GCKR: variants seen among roughly 807,000 people sequenced by gnomAD.
GCKR encodes the protein glucokinase regulatory protein.
In GCKR, 73 loss-of-function variants were observed where a neutral mutation model predicts 82.9. The observed-to-expected ratio is 0.88, with a 90% CI of 0.73 to 1.07. The LOEUF is 1.07. Ranked by LOEUF, GCKR falls within the 50% of genes least tolerant of loss-of-function variation. GCKR has a pLI of 0.00. For synonymous variants in GCKR, 294 were observed against 291.8 expected (o/e 1.01, Z -0.08); for missense variants, 784 against 782.1 (o/e 1.00, Z -0.03).
intron 9 of GCKR, among the ~76,000 whole-genome samples, chr2:27,505,125 C>CAAAAAAAAAAAAAAAAAA (rs146563052): frequency 3.9e-5 from 1 of 25,440 alleles, no homozygotes; most frequent in Non-Finnish European, 6.7e-5. Flanking sequence ...GACTCCATCT[C>CAAAAAAAAAAAAAAAAAA]AAAAAAAAAA....
chr2:27,522,579 AC>A lies in GCKR; in HGVS notation c.1693del (p.His565MetfsTer6). ...CCATCTCCTGCCATGTCCAGGTTGC[AC>A]ATGAGAAGGAACAGGTATCCTGCCC... is the stretch of plus-strand genomic sequence containing the variant. ...APISCHVQVA[H>X]EKEQVIPIAL... On this transcript the variant is annotated frameshift_variant, in exon 18 of 19. Transcript: ENST00000264717. LOFTEE classifies it high-confidence loss of function. The A allele has an allele frequency of 6.2e-7, 1 of 1,613,954 alleles. No homozygotes were observed. Among genetic ancestry groups the A allele is most frequent in the Non-Finnish European group, 8.5e-7 (1 of 1,179,808 alleles).
rs753063632 is a variant in GCKR at position 27,507,814 on chromosome 2, G to C, written c.1240+37G>C. The C allele has an allele frequency of 1.5e-5, 20 of 1,304,394 alleles. No homozygotes were observed. The East Asian group carries it at 3.9e-4, about 25-fold the overall frequency. 80.8% of individuals were successfully genotyped at this position (1,304,394 alleles called of 1,614,324 possible). A position where few individuals can be genotyped will look rare whatever the true frequency, so the allele number is the denominator to read the frequency against. On this transcript the variant is annotated intron_variant, in intron 14 of 18. Coordinates refer to ENST00000264717, the MANE Select transcript of GCKR (RefSeq NM_001486.4). ...GATGGGAGTGGTGAGGGGTGGGGAG[G>C]GGGAAATAGAATGGTTCAGAGGAGC...
At chr2:27,521,061 T>A (rs1670139782) in intron 17 of GCKR, among the ~76,000 whole-genome samples, 1 of 151,484 alleles carries the variant, frequency 6.6e-6, no homozygotes, top group South Asian at 2.1e-4. Context: ...AAAATTAAAA[T>A]TAAAAAAAGC....
intron 10 of GCKR, 149 bp from the exon 11 acceptor site, chr2:27,506,332 G>T: frequency 1.4e-6 from 1 of 712,192 alleles, no homozygotes; most frequent in Non-Finnish European, 2.6e-6. Flanking sequence ...CCTTCGGAAC[G>T]CAGTCTGGGC....
At chr2:27,501,640 C>T (rs1336932119) in intron 8 of GCKR, 3 of 444,264 alleles carry the variant, frequency 6.8e-6, no homozygotes, top group Non-Finnish European at 1.4e-5. Context: ...CCTCCTACTC[C>T]TCTTTGTCCA....
In GCKR at chr2:27,508,185, C is replaced by T; in HGVS notation, c.1356C>T (p.Leu452=). ...GQTLLIPLKK[L]FPSIISITWP... ...CTCTCCAGATCCCTCTGAAGAAGCT[C>T]TTTCCCTCCATCATCAGCATCACAT... is the stretch of plus-strand genomic sequence containing the variant. The change falls in exon 16 of 19, where the codon CTC becomes CTT. Residue 452 remains leucine, a synonymous_variant. Coordinates refer to ENST00000264717, the MANE Select transcript of GCKR (RefSeq NM_001486.4). 1 of 1,612,188 alleles carries T rather than the reference C, an allele frequency of 6.2e-7. No individual in the cohort carries two copies. Among genetic ancestry groups the T allele is most frequent in the Admixed American group, 1.7e-5 (1 of 60,020 alleles).
At chr2:27,501,793 G>C (rs1199609339) in intron 8 of GCKR, 1 of 471,024 alleles carries the variant, frequency 2.1e-6, no homozygotes, top group Admixed American at 2.3e-5. Flanking sequence ...TATGTCAGTG[G>C]TCACTCTTAT....
At chr2:27,499,091 T>C in intron 5 of GCKR, 51 bp from the exon 6 acceptor site, 1 of 1,084,060 alleles carries the variant, frequency 9.2e-7, no homozygotes, top group Non-Finnish European at 1.4e-6. Context: ...TAATACGCCA[T>C]AGGCTTCTGC....
intron 16 of GCKR, among the ~76,000 whole-genome samples, chr2:27,511,788 C>T (rs1018327955): frequency 5.9e-5 from 9 of 151,642 alleles, no homozygotes; most frequent in Admixed American, 1.3e-4. Flanking sequence ...TTTTGCCTTC[C>T]GAAGTGACAG....
rs1669727590 is a variant in GCKR at position 27,505,920 on chromosome 2, G to C, written c.869+84G>C. The C allele has an allele frequency of 1.2e-5, 10 of 817,458 alleles. No individual in the cohort carries two copies. In the South Asian group the frequency reaches 1.3e-4, roughly 11 times the overall value. 50.6% of individuals were successfully genotyped at this position (817,458 alleles called of 1,614,324 possible). ...TGGAGATTGGCAGGTCTAGATCCAA[G>C]GACTGGGCTGGTGGCAGTAAGACTG... is the stretch of plus-strand genomic sequence containing the variant. On this transcript the variant is annotated intron_variant, in intron 10 of 18. Transcript: ENST00000264717.
intron 9 of GCKR, among the ~76,000 whole-genome samples, chr2:27,505,236 G>A (rs543022217): frequency 0.01 from 1,368 of 132,666 alleles, 11 homozygotes; most frequent in Non-Finnish European, 0.014. Context: ...CTCTACTAAA[G>A]ATACAAAAAA....
intron 16 of GCKR, among the ~76,000 whole-genome samples, chr2:27,510,597 G>A (rs1558439557): frequency 6.6e-6 from 1 of 152,168 alleles, no homozygotes; most frequent in South Asian, 2.1e-4. Context: ...GAAGTTGCTT[G>A]TTCCCTTACA....
At chr2:27,510,702 C>A (rs955798948) in intron 16 of GCKR, among the ~76,000 whole-genome samples, 4 of 151,934 alleles carry the variant, frequency 2.6e-5, no homozygotes, top group African/African-American at 7.2e-5. Flanking sequence ...ATTTATATTT[C>A]TTTAATTATT....
chr2:27,501,681 T>C (rs1193916469), intron 8 of GCKR: 2 of 468,872 alleles, frequency 4.3e-6, no homozygotes, highest in Non-Finnish European at 8.8e-6. Context: ...TTCTCTCTCA[T>C]CATTCCAGGC....
chr2:27,505,737 C>G lies in GCKR; in HGVS notation c.770C>G (p.Ser257Cys). ...CTTCAGCCCGAGGGTCTCAGCGGCT[C>G]CTCCCGGATGAAAGGTGGAAGTGCC... ...PAIGPEGLSG[S>C]SRMKGGSATK... is the part of the protein sequence containing the mutation. The change falls in exon 10 of 19, where the codon TCC (serine) becomes TGC (cysteine). Residue 257 changes from serine to cysteine, a missense_variant. By Grantham distance (112) the Ser-to-Cys change is moderately radical. Coordinates refer to ENST00000264717, the MANE Select transcript of GCKR (RefSeq NM_001486.4). The G allele has an allele frequency of 6.2e-7, 1 of 1,609,422 alleles. No homozygotes were observed. The highest frequency in any genetic ancestry group is 8.5e-7 in the Non-Finnish European group (1 of 1,175,916).
chr2:27,507,825 A>G, intron 14 of GCKR, 48 bp downstream of exon 14: 1 of 1,251,250 alleles, frequency 8.0e-7, no homozygotes, highest in Non-Finnish European at 1.2e-6. Context: ...GGGAAATAGA[A>G]TGGTTCAGAG....
rs1474767259 is a variant in GCKR, at chr2:27,518,712, G to A, written c.1423-76G>A. 6 of 1,206,808 alleles carry A rather than the reference G, an allele frequency of 5.0e-6. No homozygotes were observed. The East Asian group carries it at 1.4e-4, about 28-fold the overall frequency. The allele number at this position is 1,206,808 out of a possible 1,614,324, so 74.8% of individuals were successfully genotyped here. On this transcript the variant is annotated intron_variant, in intron 16 of 18. Coordinates refer to ENST00000264717, the MANE Select transcript of GCKR (RefSeq NM_001486.4). Reference sequence around the variant, plus strand: ...GTTCTTGACAGTTGGTTTCCTGTCTGATAACAGGGCCCTGTTCACTCTGCT... The same window carrying A: ...GTTCTTGACAGTTGGTTTCCTGTCTAATAACAGGGCCCTGTTCACTCTGCT...
At position 27,497,391 on chromosome 2, in the gene GCKR, A is replaced by G. The variant is rs1226363655; in HGVS notation, c.208A>G (p.Thr70Ala). The change falls in exon 2 of 19, where the codon ACA becomes GCA. Residue 70 changes from threonine to alanine, a missense_variant. Thr to Ala is a moderately conservative substitution (Grantham distance 58, BLOSUM62 0). Coordinates refer to ENST00000264717, the MANE Select transcript of GCKR (RefSeq NM_001486.4). ...CCAGGAGGAGGGGCAAGCCCTGTCC[A>G]CATACCAGGTAACCAAGACCCAAGA... ...IFQEEGQALS[T>A]YQRLYSESIL... 15 of 1,613,614 alleles carry G rather than the reference A, an allele frequency of 9.3e-6. No homozygotes were observed. The East Asian group carries it at 2.9e-4, about 31-fold the overall frequency.
At chr2:27,513,814 CT>C (rs1287541802) in intron 16 of GCKR, among the ~76,000 whole-genome samples, 1 of 151,978 alleles carries the variant, frequency 6.6e-6, no homozygotes, top group Non-Finnish European at 1.5e-5. Flanking sequence ...AAGGTAGCAT[CT>C]TTTTTATATC....
Sources: gnomAD v4.1 joint callset for allele counts (sites outside exome capture counted in the v4.1 genomes callset) on GRCh38, gnomAD v4.1.1 for gene constraint, MANE v1.5 for transcripts, NCBI Gene and HGNC (gene_info 2026-07-23, HGNC 2026-07-21) for gene names.